The following FRMD4A variants were observed in gnomAD, a reference collection of about 807,000 sequenced individuals.
The protein encoded by FRMD4A is FERM domain-containing protein 4A.
Under a neutral mutation model 129.1 loss-of-function variants are expected in FRMD4A, and 29 were observed. The observed-to-expected ratio is 0.22, with a 90% confidence interval of 0.17 to 0.31. FRMD4A has a LOEUF of 0.31. FRMD4A is among the 10% of genes least tolerant of loss of function. The pLI, the probability that FRMD4A is intolerant of heterozygous loss-of-function variation, is 1.00. For synonymous variants in FRMD4A, 634 were observed against 571.6 expected (o/e 1.11, Z -1.56); for missense variants, 1,272 against 1,375.8 (o/e 0.92, Z 1.19).
At chr10:14,166,105 CTAA>C in intron 2 of FRMD4A, among the ~76,000 whole-genome samples, 1 of 150,876 alleles carries the variant, frequency 6.6e-6, no homozygotes, top group African/African-American at 2.4e-5. Flanking sequence ...TATTTGATAA[CTAA>C]TATATAAAAC....
chr10:13,654,777 C>T, intron 22 of FRMD4A: 1 of 500,706 alleles, frequency 2.0e-6, no homozygotes, highest in Non-Finnish European at 3.5e-6. Context: ...GTCAAGCTGA[C>T]CTGGGATCCT....
intron 12 of FRMD4A, among the ~76,000 whole-genome samples, chr10:13,734,827 T>C (rs1051435654): frequency 1.3e-5 from 2 of 149,092 alleles, no homozygotes; most frequent in Non-Finnish European, 3.0e-5. Flanking sequence ...AACTTTTTTT[T>C]CTTCTTCTTT....
chr10:13,714,750 G>A (rs945163718), intron 12 of FRMD4A, among the ~76,000 whole-genome samples: 3 of 152,062 alleles, frequency 2.0e-5, no homozygotes, highest in African/African-American at 7.2e-5. Context: ...TAGAAGTGCC[G>A]CACTGCAGGC....
intron 2 of FRMD4A, among the ~76,000 whole-genome samples, chr10:13,961,711 GTGCC>G (rs1047433255): frequency 6.6e-6 from 1 of 152,118 alleles, no homozygotes; most frequent in African/African-American, 2.4e-5. Flanking sequence ...AGGTTACCAG[GTGCC>G]TTGTCCTCAA....
chr10:14,224,531 C>A (rs892984992), intron 2 of FRMD4A, among the ~76,000 whole-genome samples: 4 of 152,206 alleles, frequency 2.6e-5, no homozygotes, highest in Non-Finnish European at 5.9e-5. Flanking sequence ...ACCAGGGAAG[C>A]ATTTTGGACA....
intron 2 of FRMD4A, among the ~76,000 whole-genome samples, chr10:14,286,566 A>G (rs1282446544): frequency 6.6e-6 from 1 of 152,222 alleles, no homozygotes; most frequent in Non-Finnish European, 1.5e-5. Flanking sequence ...CCCACTTCTC[A>G]GTTAATCTCA....
chr10:13,920,144 G>A (rs7909290), intron 2 of FRMD4A, among the ~76,000 whole-genome samples: 4,207 of 152,240 alleles, frequency 0.028, 165 homozygotes, highest in East Asian at 0.17. Flanking sequence ...CAACTGAGAA[G>A]AGTCATCAGG....
At chr10:14,161,325 T>C (rs972897700) in intron 2 of FRMD4A, among the ~76,000 whole-genome samples, 1 of 152,168 alleles carries the variant, frequency 6.6e-6, no homozygotes, top group Admixed American at 6.5e-5. Flanking sequence ...CGGGTATTTA[T>C]CCAAAGGAAA....
chr10:13,656,545 T>G, intron 22 of FRMD4A, 91 bp downstream of exon 22: 2 of 1,290,620 alleles, frequency 1.5e-6, no homozygotes, highest in Non-Finnish European at 9.9e-7. Context: ...CTGCACCCAG[T>G]CCTAAGGGTA....
intron 2 of FRMD4A, among the ~76,000 whole-genome samples, chr10:14,226,765 C>T (rs1383540037): frequency 6.6e-6 from 1 of 152,132 alleles, no homozygotes; most frequent in African/African-American, 2.4e-5. Context: ...TGCAAGGCTC[C>T]ACCTCACGAG....
chr10:13,790,741 G>A (rs955766182), intron 5 of FRMD4A, among the ~76,000 whole-genome samples: 1 of 152,028 alleles, frequency 6.6e-6, no homozygotes, highest in Non-Finnish European at 1.5e-5. Context: ...ACAGAATGAG[G>A]AACGAGAGGC....
intron 3 of FRMD4A, among the ~76,000 whole-genome samples, chr10:13,818,924 G>A (rs2093588205): frequency 6.6e-6 from 1 of 152,186 alleles, no homozygotes; most frequent in South Asian, 2.1e-4. Context: ...CCAGGAGTTT[G>A]AGACTAGCCT....
chr10:13,717,382 C>T (rs2088908965), intron 12 of FRMD4A, among the ~76,000 whole-genome samples: 1 of 152,134 alleles, frequency 6.6e-6, no homozygotes, highest in African/African-American at 2.4e-5. Context: ...GGCATAATCT[C>T]GGTTCAGAGC....
chr10:13,800,293 G>A (rs73595149), intron 4 of FRMD4A, among the ~76,000 whole-genome samples: 2,042 of 152,320 alleles, frequency 0.013, 42 homozygotes, highest in African/African-American at 0.046. Flanking sequence ...ACTGTTAGGT[G>A]CTCAAAAGAA....
At chr10:13,778,238 A>T (rs79551644) in intron 6 of FRMD4A, among the ~76,000 whole-genome samples, 93,355 of 150,652 alleles carry the variant, frequency 0.62, 30,686 homozygotes, top group East Asian at 0.85. Flanking sequence ...CATTTATTTA[A>T]AAAAAAAACC....
intron 2 of FRMD4A, among the ~76,000 whole-genome samples, chr10:14,307,808 C>T (rs988823764): frequency 6.6e-6 from 1 of 152,190 alleles, no homozygotes; most frequent in Admixed American, 6.5e-5. Flanking sequence ...TTAAAAGAGC[C>T]GCGAGTTACA....
intron 18 of FRMD4A, among the ~76,000 whole-genome samples, chr10:13,664,600 G>A (rs967709489): frequency 3.9e-5 from 6 of 152,168 alleles, no homozygotes; most frequent in African/African-American, 1.2e-4. Context: ...TCACTGCTAC[G>A]CTAGGATGCT....
chr10:14,277,549 G>A (rs1845383570), intron 2 of FRMD4A, among the ~76,000 whole-genome samples: 1 of 152,208 alleles, frequency 6.6e-6, no homozygotes, highest in Admixed American at 6.5e-5. Flanking sequence ...AGAACTGTGA[G>A]CCATAGTTGC....
intron 2 of FRMD4A, among the ~76,000 whole-genome samples, chr10:14,224,276 G>A (rs556353760): frequency 2.0e-5 from 3 of 152,344 alleles, no homozygotes; most frequent in East Asian, 3.9e-4. Context: ...CTGCAGCTCT[G>A]CCTCTGTGCT....
Sources: gnomAD v4.1 joint callset for allele counts (sites outside exome capture counted in the v4.1 genomes callset) on GRCh38, gnomAD v4.1.1 for gene constraint, MANE v1.5 for transcripts, NCBI Gene and HGNC (gene_info 2026-07-23, HGNC 2026-07-21) for gene names.